Variants in NUP98 observed in about 807,000 individuals in gnomAD.
NUP98 encodes nuclear pore complex protein Nup98-Nup96.
In NUP98, 26 loss-of-function variants were observed where a neutral mutation model predicts 191.9. That is an observed-to-expected ratio of 0.14 (90% CI 0.10 to 0.19). The LOEUF is 0.19. NUP98 is among the 10% of genes least tolerant of loss of function. The pLI, the probability that NUP98 is intolerant of heterozygous loss-of-function variation, is 1.00. For missense variants in NUP98, 1,941 were observed against 2,178.8 expected (o/e 0.89, Z 2.17); for synonymous variants, 808 against 778.4 (o/e 1.04, Z -0.63).
intron 10 of NUP98, among the ~76,000 whole-genome samples, chr11:3,756,970 C>T (rs1009836512): frequency 2.0e-5 from 3 of 151,732 alleles, no homozygotes; most frequent in African/African-American, 7.3e-5. Flanking sequence ...CGCCTACAGT[C>T]CCAGCTACTT....
intron 4 of NUP98, among the ~76,000 whole-genome samples, chr11:3,777,639 A>AG (rs1211491304): frequency 8.2e-4 from 124 of 151,716 alleles, no homozygotes; most frequent in African/African-American, 2.9e-3. Flanking sequence ...AAAAAAAAAA[A>AG]AAGAAGTTAT....
At chr11:3,795,736 T>C (rs2082507731) in intron 1 of NUP98, among the ~76,000 whole-genome samples, 1 of 152,192 alleles carries the variant, frequency 6.6e-6, no homozygotes, top group Non-Finnish European at 1.5e-5. Context: ...ATAAGTGTTA[T>C]GGAAGCTTGC....
At chr11:3,763,747 C>T (rs1201438796) in intron 8 of NUP98, among the ~76,000 whole-genome samples, 2 of 152,008 alleles carry the variant, frequency 1.3e-5, no homozygotes, top group African/African-American at 4.8e-5. Context: ...TGGGGTTTCA[C>T]AATGTGCCCA....
intron 7 of NUP98, among the ~76,000 whole-genome samples, chr11:3,770,143 G>C (rs1186041692): frequency 6.6e-6 from 1 of 151,174 alleles, no homozygotes; most frequent in Non-Finnish European, 1.5e-5. Context: ...TCAGGGGTTC[G>C]AGACCAGCCT....
rs276901 is a variant in NUP98, at chr11:3,725,235, C to G, written c.1731-16G>C. 334,140 of 1,242,884 alleles carry G rather than the reference C, an allele frequency of 0.27. 48,957 individuals are homozygous for G. The highest frequency in any genetic ancestry group is 0.47 in the African/African-American group (31,270 of 66,324). The allele number at this position is 1,242,884 out of a possible 1,614,324, so 77.0% of individuals were successfully genotyped here. On this transcript the variant is annotated splice_polypyrimidine_tract_variant and intron_variant, in intron 14 of 32. Coordinates refer to ENST00000324932, the MANE Select transcript of NUP98 (RefSeq NM_016320.5). ...AATGCTCTTCCTATAAACAAGAAAC[C>G]AAAAGAAGAAGAAAAAAATTACTCA...
At chr11:3,685,848 A>G in intron 29 of NUP98, 125 bp downstream of exon 29, 1 of 726,912 alleles carries the variant, frequency 1.4e-6, no homozygotes, top group Non-Finnish European at 2.4e-6. Context: ...GAGGTTTATC[A>G]CAACGCTGGA....
At chr11:3,764,339 CCATT>C (rs1336143989) in intron 8 of NUP98, among the ~76,000 whole-genome samples, 1 of 152,080 alleles carries the variant, frequency 6.6e-6, no homozygotes, top group Non-Finnish European at 1.5e-5. Context: ...AATTGGTTAC[CCATT>C]CATTGTTAAT....
chr11:3,707,240 G>A (rs1030508832), intron 20 of NUP98, among the ~76,000 whole-genome samples: 6 of 151,936 alleles, frequency 3.9e-5, no homozygotes, highest in African/African-American at 1.2e-4. Flanking sequence ...TTTTAATCTG[G>A]GAAGAATCCC....
rs557886207 is a variant in NUP98, at chr11:3,778,905, G to A, written c.323C>T (p.Ala108Val). ...GCCAGTTGGTTTATTTTGTGCAAAG[G>A]CATTGTTTTGGGATGAGAAGAGACT... The part of the protein sequence containing the change: ...GTSLFSSQNN[A>V]FAQNKPTGFG... Residue 108 changes from alanine (A) to valine (V), a missense_variant, in exon 4 of 33, where the codon GCC becomes GTC. Ala to Val is a moderately conservative substitution (Grantham distance 64). Around this residue, in one of 6 missense-constraint regions of NUP98, gnomAD observed 154 missense variants for 182.9 expected, o/e 0.84. Coordinates refer to ENST00000324932, the MANE Select transcript of NUP98 (RefSeq NM_016320.5). The A allele has an allele frequency of 3.7e-6, 6 of 1,614,126 alleles. No homozygotes were observed. Among genetic ancestry groups the A allele is most frequent in the East Asian group, 4.5e-5 (2 of 44,880 alleles).
chr11:3,742,065 T>A (rs1239615365), intron 12 of NUP98, among the ~76,000 whole-genome samples: 5 of 152,152 alleles, frequency 3.3e-5, no homozygotes, highest in Non-Finnish European at 4.4e-5. Flanking sequence ...GACGAGAATA[T>A]CTTGAAGCAA....
At chr11:3,767,318 C>G (rs1391403887) in intron 8 of NUP98, among the ~76,000 whole-genome samples, 1 of 151,606 alleles carries the variant, frequency 6.6e-6, no homozygotes, top group East Asian at 1.9e-4. Flanking sequence ...CATGGCGGTA[C>G]AAGCATACTT....
intron 12 of NUP98, among the ~76,000 whole-genome samples, chr11:3,740,277 G>A (rs769998974): frequency 2.0e-5 from 3 of 152,116 alleles, no homozygotes; most frequent in Non-Finnish European, 2.9e-5. Context: ...TTGGGAGGCC[G>A]AAGCGAGAGG....
Position 3,753,426 on chromosome 11 carries a change from T to C in NUP98, c.1175-18A>G. 6.3e-7 allele frequency: 1 copy of C among 1,575,476 alleles called. No homozygotes were observed. Among genetic ancestry groups the C allele is most frequent in the Middle Eastern group, 1.7e-4 (1 of 5,992 alleles). ...GCCAAAACCTAGGAAGACAAAAGAA[T>C]GAGTGGATTGTACTTTTAATATAAC... On this transcript the variant is annotated intron_variant, in intron 10 of 32. Coordinates refer to ENST00000324932, the MANE Select transcript of NUP98 (RefSeq NM_016320.5).
At chr11:3,755,390 G>C (rs1405367623) in intron 10 of NUP98, among the ~76,000 whole-genome samples, 5 of 151,832 alleles carry the variant, frequency 3.3e-5, no homozygotes, top group African/African-American at 1.2e-4. Context: ...CTTGAACCAA[G>C]GAGGCAGAGG....
chr11:3,691,794 T>TA (rs1237051716), intron 27 of NUP98, among the ~76,000 whole-genome samples: 1 of 152,214 alleles, frequency 6.6e-6, no homozygotes, highest in Non-Finnish European at 1.5e-5. Context: ...CATCAGGTGA[T>TA]ACGCCTGCCT....
intron 12 of NUP98, among the ~76,000 whole-genome samples, chr11:3,735,748 AGTGT>A (rs71041385): frequency 0.12 from 17,348 of 140,656 alleles, 1,172 homozygotes; most frequent in African/African-American, 0.19. Context: ...CAGGGCAAGT[AGTGT>A]GTGTGTGTGT....
chr11:3,676,751 G>A (rs2077825408), intron 31 of NUP98, 131 bp from the exon 32 acceptor site: 1 of 796,794 alleles, frequency 1.3e-6, no homozygotes, highest in Admixed American at 1.7e-5. Context: ...GATGACACAG[G>A]GCCAAGCCAC....
At chr11:3,743,539 CAA>C (rs1228552339) in intron 12 of NUP98, among the ~76,000 whole-genome samples, 3 of 146,502 alleles carry the variant, frequency 2.0e-5, no homozygotes, top group Admixed American at 7.0e-5. Context: ...CCCAGCTACT[CAA>C]GAGGCTGAGG....
intron 30 of NUP98, among the ~76,000 whole-genome samples, chr11:3,680,358 G>C (rs1164939622): frequency 6.6e-6 from 1 of 152,134 alleles, no homozygotes; most frequent in Non-Finnish European, 1.5e-5. Context: ...AGTGACACCA[G>C]TTCAGTCACA....
Sources: gnomAD v4.1 joint callset for allele counts (sites outside exome capture counted in the v4.1 genomes callset) on GRCh38, gnomAD v4.1.1 for gene constraint, gnomAD v4.1.1 regional missense constraint, MANE v1.5 for transcripts, NCBI Gene and HGNC (gene_info 2026-07-23, HGNC 2026-07-21) for gene names.